Variants in FBXO34 observed in about 807,000 individuals in gnomAD.
The protein encoded by FBXO34 is F-box only protein 34.
FBXO34 carries 12 observed loss-of-function variants against 24.5 expected under a neutral mutation model. That is an observed-to-expected ratio of 0.49 (90% CI 0.31 to 0.79). The LOEUF (loss-of-function observed/expected upper bound fraction) is 0.79, where lower values mean the gene tolerates loss of function less well. Ranked by LOEUF, FBXO34 falls within the 30% of genes least tolerant of loss-of-function variation. The probability of loss-of-function intolerance (pLI) is 0.04; values close to 1 mark genes in which losing one functional copy is unlikely to be tolerated. For missense variants in FBXO34, 823 were observed against 857.7 expected (o/e 0.96, Z 0.51); for synonymous variants, 320 against 311.9 (o/e 1.03, Z -0.27).
At chr14:55,283,976 C>CTGTGTG (rs944505119) in intron 1 of FBXO34, among the ~76,000 whole-genome samples, 5 of 108,856 alleles carry the variant, frequency 4.6e-5, no homozygotes, top group South Asian at 3.1e-4. Flanking sequence ...GTGTGTGTGT[C>CTGTGTG]TGTGTGTGTG....
chr14:55,283,944 A>ATG (rs71131258), intron 1 of FBXO34, among the ~76,000 whole-genome samples: 6,077 of 142,580 alleles, frequency 0.043, 152 homozygotes, highest in South Asian at 0.094. Flanking sequence ...TTCTAAGACT[A>ATG]TGTGTGTGTG....
At chr14:55,317,711 T>G (rs1242726138) in intron 1 of FBXO34, among the ~76,000 whole-genome samples, 1 of 152,214 alleles carries the variant, frequency 6.6e-6, no homozygotes, top group African/African-American at 2.4e-5. Context: ...CAGCAAATAC[T>G]ACAAACAACT....
the FBXO34 span, chr14:55,385,855 G>C: frequency 6.2e-7 from 1 of 1,600,178 alleles, no homozygotes; most frequent in South Asian, 1.1e-5. Context: ...CTTGCTTAAT[G>C]TACCTCACAC....
chr14:55,383,758 A>G, the FBXO34 span, among the ~76,000 whole-genome samples: 1 of 151,358 alleles, frequency 6.6e-6, no homozygotes, highest in African/African-American at 2.4e-5. Context: ...CTCCCTCTCA[A>G]ATCAAAAAAC....
the FBXO34 span, among the ~76,000 whole-genome samples, chr14:55,375,536 G>A: frequency 7.3e-6 from 1 of 136,518 alleles, no homozygotes; most frequent in African/African-American, 2.8e-5. Flanking sequence ...TAGACATGGA[G>A]TCTCACTATG....
chr14:55,436,720 C>T, the FBXO34 span: 1 of 1,614,184 alleles, frequency 6.2e-7, no homozygotes. Flanking sequence ...ATTTGACAAA[C>T]TGCTGCTGTT....
chr14:55,346,120 C>G (rs530490109), intron 1 of FBXO34, among the ~76,000 whole-genome samples: 1 of 152,156 alleles, frequency 6.6e-6, no homozygotes, highest in Non-Finnish European at 1.5e-5. Flanking sequence ...TCTTGGCTGC[C>G]TTCAAATTGT....
At chr14:55,339,952 T>C (rs139847093) in intron 1 of FBXO34, among the ~76,000 whole-genome samples, 2 of 152,314 alleles carry the variant, frequency 1.3e-5, no homozygotes, top group Non-Finnish European at 2.9e-5. Context: ...TGGTAAACAC[T>C]ATGGGGCCTA....
chr14:55,431,490 CT>C, the FBXO34 span, among the ~76,000 whole-genome samples: 2 of 152,184 alleles, frequency 1.3e-5, 1 homozygote, highest in South Asian at 4.1e-4. Flanking sequence ...TACAATTTTA[CT>C]TTATGACTTC....
At chr14:55,414,176 T>G in the FBXO34 span, 24 of 530,234 alleles carry the variant, frequency 4.5e-5, 1 homozygote, top group East Asian at 7.8e-4. Flanking sequence ...AAATGTTTAC[T>G]TGTTCAGTTT....
At chr14:55,383,570 A>G in the FBXO34 span, among the ~76,000 whole-genome samples, 986 of 151,710 alleles carry the variant, frequency 6.5e-3, 8 homozygotes, top group Middle Eastern at 0.027. Context: ...CAAAAAAACA[A>G]AACAACAACA....
the FBXO34 span, chr14:55,437,002 G>A: frequency 6.2e-7 from 1 of 1,614,036 alleles, no homozygotes; most frequent in Admixed American, 1.7e-5. Context: ...GGGAGACCTG[G>A]GTGGGGCAAG....
At chr14:55,417,637 T>A in the FBXO34 span, among the ~76,000 whole-genome samples, 1 of 152,060 alleles carries the variant, frequency 6.6e-6, no homozygotes, top group Non-Finnish European at 1.5e-5. Context: ...TTTTGTCTAT[T>A]TTCAGTAGAG....
At chr14:55,305,454 G>A (rs1882509340) in intron 1 of FBXO34, among the ~76,000 whole-genome samples, 1 of 151,698 alleles carries the variant, frequency 6.6e-6, no homozygotes, top group Admixed American at 6.6e-5. Flanking sequence ...TGCGGTGCGT[G>A]GTGGCTGAGG....
chr14:55,423,917 T>C, the FBXO34 span, among the ~76,000 whole-genome samples: 1 of 152,204 alleles, frequency 6.6e-6, no homozygotes, highest in Non-Finnish European at 1.5e-5. Flanking sequence ...TCATGGATAA[T>C]TCTGTAAAAA....
the FBXO34 span, among the ~76,000 whole-genome samples, chr14:55,415,634 G>A: frequency 6.6e-6 from 1 of 152,132 alleles, no homozygotes; most frequent in African/African-American, 2.4e-5. Flanking sequence ...GGAGTCCCAG[G>A]CAGGTGGATC....
intron 1 of FBXO34, among the ~76,000 whole-genome samples, chr14:55,348,380 C>T (rs567684335): frequency 6.6e-6 from 1 of 152,012 alleles, no homozygotes; most frequent in South Asian, 2.1e-4. Flanking sequence ...AGGCACGTGC[C>T]GTCACACCTG....
chr14:55,387,872 G>A, the FBXO34 span, among the ~76,000 whole-genome samples: 1 of 152,080 alleles, frequency 6.6e-6, no homozygotes, highest in Admixed American at 6.6e-5. Context: ...TTTGACCATG[G>A]CTGATCTCAA....
At chr14:55,414,444 G>A in the FBXO34 span, 6 of 1,604,254 alleles carry the variant, frequency 3.7e-6, no homozygotes, top group Admixed American at 5.1e-5. Flanking sequence ...ATCTCAGAAC[G>A]TTCTTTGGCA....
Sources: gnomAD v4.1 joint callset for allele counts (sites outside exome capture counted in the v4.1 genomes callset) on GRCh38, gnomAD v4.1.1 for gene constraint, MANE v1.5 for transcripts, NCBI Gene and HGNC (gene_info 2026-07-23, HGNC 2026-07-21) for gene names.